The following XYLT1 variants were observed in gnomAD, a reference collection of about 807,000 sequenced individuals.
The protein encoded by XYLT1 is beta-D-xylosyltransferase 1.
Under a neutral mutation model 91.3 loss-of-function variants are expected in XYLT1, and 36 were observed. That is an observed-to-expected ratio of 0.39 (90% CI 0.30 to 0.52). The LOEUF (loss-of-function observed/expected upper bound fraction) is 0.52, where lower values mean the gene tolerates loss of function less well. Ranked by LOEUF, XYLT1 falls within the 20% of genes least tolerant of loss-of-function variation. XYLT1 has a pLI of 0.68. For synonymous variants in XYLT1, 588 were observed against 532.0 expected, an observed-to-expected ratio of 1.11 and a Z score of -1.45; for missense variants, 1,242 against 1,284.5, an observed-to-expected ratio of 0.97 and a Z score of 0.51.
chr16:17,313,331 A>G (rs2034578436), intron 2 of XYLT1, among the ~76,000 whole-genome samples: 1 of 152,174 alleles, frequency 6.6e-6, no homozygotes. Flanking sequence ...GGAGGGAGAG[A>G]GAAGGGGACA....
chr16:17,424,760 C>T (rs2141925754), intron 1 of XYLT1, among the ~76,000 whole-genome samples: 1 of 149,774 alleles, frequency 6.7e-6, no homozygotes, highest in South Asian at 2.1e-4. Flanking sequence ...CCCAGCTACT[C>T]GGGAGGCTGA....
At chr16:17,370,554 G>A (rs1279801714) in intron 1 of XYLT1, among the ~76,000 whole-genome samples, 1 of 152,208 alleles carries the variant, frequency 6.6e-6, no homozygotes, top group Non-Finnish European at 1.5e-5. Flanking sequence ...CGTTCATGAA[G>A]TGGTGGGAAG....
At chr16:17,192,796 GC>G (rs1325303001) in intron 5 of XYLT1, 3 of 141,968 alleles carry the variant, frequency 2.1e-5, no homozygotes, top group Non-Finnish European at 4.5e-5. Flanking sequence ...GTCTATCTTT[GC>G]TTTTCCCACC....
At chr16:17,459,886 T>A (rs1040568371) in intron 1 of XYLT1, among the ~76,000 whole-genome samples, 1 of 152,160 alleles carries the variant, frequency 6.6e-6, no homozygotes, top group African/African-American at 2.4e-5. Flanking sequence ...ATTCATTCTC[T>A]CCCTGTCCCC....
At chr16:17,109,499 T>G (rs1041305712) in intron 11 of XYLT1, among the ~76,000 whole-genome samples, 3 of 151,980 alleles carry the variant, frequency 2.0e-5, no homozygotes, top group African/African-American at 7.3e-5. Flanking sequence ...AAGAAATAAG[T>G]AGATAAATAA....
chr16:17,325,042 T>C (rs2034778039), intron 2 of XYLT1, among the ~76,000 whole-genome samples: 1 of 152,128 alleles, frequency 6.6e-6, no homozygotes, highest in Non-Finnish European at 1.5e-5. Flanking sequence ...GCTATGTAAC[T>C]GCATGTAGCC....
At chr16:17,139,150 G>GAAAC (rs376763308) in intron 7 of XYLT1, among the ~76,000 whole-genome samples, 36 of 152,026 alleles carry the variant, frequency 2.4e-4, no homozygotes, top group Admixed American at 5.2e-4. Context: ...AACTAGAGGA[G>GAAAC]AAACAATCAA....
intron 3 of XYLT1, among the ~76,000 whole-genome samples, chr16:17,247,124 A>G (rs2033447788): frequency 6.6e-6 from 1 of 151,378 alleles, no homozygotes; most frequent in East Asian, 1.9e-4. Context: ...TAGTCTTTTC[A>G]CTCTAGGGCT....
intron 2 of XYLT1, among the ~76,000 whole-genome samples, chr16:17,271,454 A>T (rs2033891898): frequency 6.6e-6 from 1 of 152,108 alleles, no homozygotes; most frequent in South Asian, 2.1e-4. Context: ...AGAGAGAGAG[A>T]CAGAGAGGGA....
intron 5 of XYLT1, among the ~76,000 whole-genome samples, chr16:17,173,905 C>G (rs1323670029): frequency 6.6e-6 from 1 of 152,200 alleles, no homozygotes; most frequent in Non-Finnish European, 1.5e-5. Context: ...AAGACTCAAT[C>G]CAGTGCCTGC....
intron 1 of XYLT1, among the ~76,000 whole-genome samples, chr16:17,368,389 C>T (rs1272730618): frequency 2.0e-5 from 3 of 152,070 alleles, no homozygotes; most frequent in South Asian, 2.1e-4. Flanking sequence ...CTTAATGAAA[C>T]GATAGTGACA....
chr16:17,456,133 G>A (rs1451336714), intron 1 of XYLT1, among the ~76,000 whole-genome samples: 2 of 152,248 alleles, frequency 1.3e-5, no homozygotes, highest in South Asian at 2.1e-4. Flanking sequence ...ATGGGAATCA[G>A]GGTGAGGGTA....
Position 17,102,351 on chromosome 16 carries a change from T to C in XYLT1, c.*6344A>G, listed in dbSNP as rs1309333725. The stretch of plus-strand genomic sequence containing the variant: ...CCATAAAGGCAGTGTTTTTTTAATT[T>C]TAAAATTCTGCATCTGAAAACACAG... On this transcript the variant is annotated 3_prime_UTR_variant, in exon 12 of 12. Transcript: ENST00000261381. The C allele has an allele frequency of 1.3e-5, 2 of 152,626 alleles. No homozygotes were observed. The highest frequency in any genetic ancestry group is 3.8e-4 in the East Asian group (2 of 5,198). 9.5% of individuals were successfully genotyped at this position (152,626 alleles called of 1,614,324 possible).
intron 10 of XYLT1, among the ~76,000 whole-genome samples, chr16:17,119,596 G>C (rs1228355620): frequency 6.6e-6 from 1 of 152,218 alleles, no homozygotes; most frequent in East Asian, 1.9e-4. Flanking sequence ...CCAGCTTACA[G>C]AGCTTCACTG....
intron 5 of XYLT1, among the ~76,000 whole-genome samples, chr16:17,186,228 C>T (rs747288235): frequency 4.6e-5 from 7 of 152,082 alleles, no homozygotes; most frequent in African/African-American, 1.2e-4. Context: ...CTCAGCCTCC[C>T]GAGTATCTGG....
intron 2 of XYLT1, among the ~76,000 whole-genome samples, chr16:17,342,541 G>A (rs1266311314): frequency 6.6e-6 from 1 of 152,158 alleles, no homozygotes; most frequent in East Asian, 1.9e-4. Flanking sequence ...GGCCAACATG[G>A]TGAAACCCCA....
intron 5 of XYLT1, among the ~76,000 whole-genome samples, chr16:17,197,529 T>C (rs1237648660): frequency 2.0e-5 from 3 of 152,182 alleles, no homozygotes; most frequent in Non-Finnish European, 4.4e-5. Flanking sequence ...TGTGAGGGTG[T>C]TGCCAAAGGA....
chr16:17,301,097 G>T (rs1458823861), intron 2 of XYLT1, among the ~76,000 whole-genome samples: 4 of 152,012 alleles, frequency 2.6e-5, no homozygotes, highest in African/African-American at 7.3e-5. Flanking sequence ...AAATTTGGGG[G>T]AGTATATGTG....
intron 5 of XYLT1, among the ~76,000 whole-genome samples, chr16:17,166,032 G>A (rs1359055998): frequency 6.6e-6 from 1 of 152,230 alleles, no homozygotes; most frequent in Non-Finnish European, 1.5e-5. Flanking sequence ...GATGGAGTTG[G>A]GATGTCTTGC....
Sources: allele counts gnomAD v4.1 joint callset (sites outside exome capture counted in the v4.1 genomes callset), GRCh38; gene constraint gnomAD v4.1.1; transcripts MANE v1.5; gene names NCBI Gene and HGNC (gene_info 2026-07-23, HGNC 2026-07-21).